GAREM1: variants seen among roughly 807,000 people sequenced by gnomAD.
GAREM1 encodes GRB2-associated and regulator of MAPK protein 1.
In GAREM1, 26 loss-of-function variants were observed where a neutral mutation model predicts 71.3. The observed-to-expected ratio is 0.36, with a 90% CI of 0.27 to 0.51. The LOEUF (loss-of-function observed/expected upper bound fraction) is 0.51, where lower values mean the gene tolerates loss of function less well. GAREM1 is among the 20% of genes least tolerant of loss of function. The pLI is 0.95. For synonymous variants in GAREM1, 440 were observed against 433.2 expected (o/e 1.02, Z -0.20); for missense variants, 1,026 against 1,103.1 (o/e 0.93, Z 0.99).
At chr18:32,447,101 T>A (rs779645267) in intron 1 of GAREM1, among the ~76,000 whole-genome samples, 1 of 152,210 alleles carries the variant, frequency 6.6e-6, no homozygotes, top group Non-Finnish European at 1.5e-5. Flanking sequence ...CTACTACAAG[T>A]GTGCACAAAC....
chr18:32,344,626 TA>T (rs1243496130), intron 2 of GAREM1, among the ~76,000 whole-genome samples: 2 of 152,050 alleles, frequency 1.3e-5, no homozygotes, highest in Admixed American at 6.6e-5. Context: ...ATTATATGGG[TA>T]AAAAAATTAA....
chr18:32,467,579 C>T (rs564914459), intron 1 of GAREM1, among the ~76,000 whole-genome samples: 2 of 152,116 alleles, frequency 1.3e-5, no homozygotes, highest in South Asian at 4.2e-4. Context: ...ATGTACCAGC[C>T]CATAGTAGGC....
chr18:32,440,112 T>A (rs17744051), intron 1 of GAREM1, among the ~76,000 whole-genome samples: 1 of 152,028 alleles, frequency 6.6e-6, no homozygotes, highest in Admixed American at 6.5e-5. Flanking sequence ...TATTTGATTG[T>A]TTATTAGCTT....
At chr18:32,399,993 G>C (rs1276775027) in intron 1 of GAREM1, among the ~76,000 whole-genome samples, 1 of 152,132 alleles carries the variant, frequency 6.6e-6, no homozygotes, top group Non-Finnish European at 1.5e-5. Context: ...CAATGGAACA[G>C]AACAGAGCCC....
At chr18:32,400,477 G>GA (rs1202302068) in intron 1 of GAREM1, among the ~76,000 whole-genome samples, 1 of 151,910 alleles carries the variant, frequency 6.6e-6, no homozygotes, top group Admixed American at 6.6e-5. Context: ...AAATTTACAA[G>GA]AAAAAAACAA....
rs1189090490 is a variant in GAREM1 at position 32,270,366 on chromosome 18, C to A, written c.1584G>T (p.Arg528=). The A allele has an allele frequency of 6.2e-7, 1 of 1,612,866 alleles. No homozygotes were observed. The highest frequency in any genetic ancestry group is 8.5e-7 in the Non-Finnish European group (1 of 1,179,652). Residue 528 remains arginine (R), a synonymous_variant, in exon 5 of 6, where the codon CGG becomes CGT. Coordinates refer to ENST00000269209, the MANE Select transcript of GAREM1 (RefSeq NM_001242409.2). ...GTGGAACAGGTGGGGCGTTCAGGAGCCGGCATTCTTCTCTGACCTGGCGCA... is the reference window on the plus strand; with the variant it reads ...GTGGAACAGGTGGGGCGTTCAGGAGACGGCATTCTTCTCTGACCTGGCGCA... ...PKSEAVREEC[R]LLNAPPVPPR... is the part of the protein sequence containing the mutation.
intron 2 of GAREM1, among the ~76,000 whole-genome samples, chr18:32,317,484 T>A (rs80270171): frequency 0.063 from 9,591 of 151,944 alleles, 331 homozygotes; most frequent in African/African-American, 0.083. Flanking sequence ...GAGTCTCTTG[T>A]AAGGTACCTG....
At chr18:32,403,459 C>T (rs151151965) in intron 1 of GAREM1, among the ~76,000 whole-genome samples, 237 of 152,300 alleles carry the variant, frequency 1.6e-3, no homozygotes, top group African/African-American at 5.5e-3. Flanking sequence ...CTCACTTACA[C>T]GAGCCCTCTG....
chr18:32,319,648 G>C (rs1181413671), intron 2 of GAREM1, among the ~76,000 whole-genome samples: 1 of 152,170 alleles, frequency 6.6e-6, no homozygotes, highest in Admixed American at 6.5e-5. Context: ...TACTACTAGA[G>C]GGTGTAGGGT....
chr18:32,419,417 TG>T (rs1239239515), intron 1 of GAREM1, among the ~76,000 whole-genome samples: 1 of 152,118 alleles, frequency 6.6e-6, no homozygotes, highest in Non-Finnish European at 1.5e-5. Flanking sequence ...AGAGCCCTCA[TG>T]GGTAAGATTA....
chr18:32,367,506 T>C (rs1598994288), intron 2 of GAREM1, among the ~76,000 whole-genome samples: 1 of 152,252 alleles, frequency 6.6e-6, no homozygotes, highest in Non-Finnish European at 1.5e-5. Context: ...TTATAGAAGA[T>C]ATGCTCCTTT....
At chr18:32,351,027 ATTTCTTAGTCCTTTGGTT>A (rs1197855594) in intron 2 of GAREM1, among the ~76,000 whole-genome samples, 5 of 152,090 alleles carry the variant, frequency 3.3e-5, no homozygotes, top group East Asian at 1.9e-4. Flanking sequence ...GGAACTTACT[ATTTCTTAGTCCTTTGGTT>A]GAACTTCTGG....
intron 2 of GAREM1, among the ~76,000 whole-genome samples, chr18:32,332,257 C>T (rs916374793): frequency 5.9e-5 from 9 of 151,600 alleles, no homozygotes; most frequent in African/African-American, 1.7e-4. Context: ...CCGGGAAGAG[C>T]GCATTGTGCT....
chr18:32,439,652 T>A (rs2048714848), intron 1 of GAREM1, among the ~76,000 whole-genome samples: 1 of 151,880 alleles, frequency 6.6e-6, no homozygotes, highest in Admixed American at 6.6e-5. Context: ...GAGCTTTTTT[T>A]TTTTTTCTTT....
intron 2 of GAREM1, among the ~76,000 whole-genome samples, chr18:32,327,927 G>A (rs1353884417): frequency 6.6e-6 from 1 of 152,036 alleles, no homozygotes; most frequent in Non-Finnish European, 1.5e-5. Context: ...AGGCCATATA[G>A]GTACAATGCT....
At chr18:32,365,513 C>G (rs924438181) in intron 2 of GAREM1, among the ~76,000 whole-genome samples, 9 of 152,100 alleles carry the variant, frequency 5.9e-5, no homozygotes, top group Non-Finnish European at 1.2e-4. Flanking sequence ...ACTATGGATA[C>G]CATAGGTAAA....
chr18:32,419,902 C>T (rs1211917401), intron 1 of GAREM1, among the ~76,000 whole-genome samples: 4 of 151,980 alleles, frequency 2.6e-5, no homozygotes, highest in East Asian at 1.9e-4. Flanking sequence ...AAAAAGCAAC[C>T]GAAACCCATT....
intron 2 of GAREM1, among the ~76,000 whole-genome samples, chr18:32,383,092 T>C (rs1468809296): frequency 2.6e-5 from 4 of 152,230 alleles, no homozygotes; most frequent in Non-Finnish European, 5.9e-5. Context: ...ATTTTGCTTG[T>C]CTCACACTCA....
At chr18:32,430,687 T>G (rs1438856504) in intron 1 of GAREM1, among the ~76,000 whole-genome samples, 1 of 152,116 alleles carries the variant, frequency 6.6e-6, no homozygotes, top group Non-Finnish European at 1.5e-5. Context: ...CACATCAGGG[T>G]CTTCAAGCAA....
Sources: gnomAD v4.1 joint callset for allele counts (sites outside exome capture counted in the v4.1 genomes callset) on GRCh38, gnomAD v4.1.1 for gene constraint, MANE v1.5 for transcripts, NCBI Gene and HGNC (gene_info 2026-07-23, HGNC 2026-07-21) for gene names.